CDK6: variants seen among roughly 807,000 people sequenced by gnomAD.
The protein encoded by CDK6 is cyclin dependent kinase 6.
In CDK6, 6 loss-of-function variants were observed where a neutral mutation model predicts 37.1. The observed-to-expected ratio is 0.16, with a 90% CI of 0.09 to 0.32. The LOEUF (loss-of-function observed/expected upper bound fraction) is 0.32, where lower values mean the gene tolerates loss of function less well. CDK6 is among the 10% of genes least tolerant of loss of function. The pLI, the probability that CDK6 is intolerant of heterozygous loss-of-function variation, is 1.00. For synonymous variants in CDK6, 160 were observed against 161.3 expected, an observed-to-expected ratio of 0.99 and a Z score of 0.06; for missense variants, 224 against 418.9, an observed-to-expected ratio of 0.53 and a Z score of 4.06.
At position 92,609,602 on chromosome 7, in the gene CDK6, T is replaced by C. The variant is rs1451056605; in HGVS notation, c.*5538A>G. 7 of 230,520 alleles carry C rather than the reference T, an allele frequency of 3.0e-5. No individual in the cohort carries two copies. The highest frequency in any genetic ancestry group is 5.2e-5 in the Non-Finnish European group (6 of 116,468). The allele number at this position is 230,520 out of a possible 1,614,324, so 14.3% of individuals were successfully genotyped here. ...CTACTCATTTTGCTCACCTGATCTTTAAATTAGGATTTTAAAATTTAATCA... is the reference window on the plus strand; with the variant it reads ...CTACTCATTTTGCTCACCTGATCTTCAAATTAGGATTTTAAAATTTAATCA... On this transcript the variant is annotated 3_prime_UTR_variant, in exon 8 of 8. Transcript: ENST00000424848.
chr7:92,710,653 G>A (rs1281189324), intron 4 of CDK6: 4 of 961,490 alleles, frequency 4.2e-6, no homozygotes, highest in Non-Finnish European at 4.9e-6. Flanking sequence ...TCTAGCTTTG[G>A]TGATTACCAG....
chr7:92,612,669 A>G lies in CDK6; in HGVS notation c.*2471T>C, dbSNP rs114715342. 1.5e-3 allele frequency: 348 copies of G among 233,182 alleles called. No homozygotes were observed. Among genetic ancestry groups the G allele is most frequent in the African/African-American group, 7.1e-3 (324 of 45,468 alleles). The allele number at this position is 233,182 out of a possible 1,614,324, so 14.4% of individuals were successfully genotyped here. ...ATTTTTCTTCATAAGCACTGCCTAG[A>G]AATGAGTCAAAAGCAGATGCTAGGA... On this transcript the variant is annotated 3_prime_UTR_variant, in exon 8 of 8. Coordinates refer to ENST00000424848, the MANE Select transcript of CDK6 (RefSeq NM_001145306.2).
intron 2 of CDK6, among the ~76,000 whole-genome samples, chr7:92,825,755 G>A (rs1457086812): frequency 6.6e-6 from 1 of 152,104 alleles, no homozygotes; most frequent in Non-Finnish European, 1.5e-5. Flanking sequence ...TCAAGCAATT[G>A]ATCAAAATGT....
chr7:92,715,093 A>T (rs1479105269), intron 4 of CDK6, among the ~76,000 whole-genome samples: 1 of 152,228 alleles, frequency 6.6e-6, no homozygotes, highest in Non-Finnish European at 1.5e-5. Flanking sequence ...ATCAACTGAA[A>T]TATGCCAGCC....
At chr7:92,786,546 T>C (rs1461366877) in intron 2 of CDK6, among the ~76,000 whole-genome samples, 1 of 151,808 alleles carries the variant, frequency 6.6e-6, no homozygotes, top group Non-Finnish European at 1.5e-5. Flanking sequence ...CACTTGTTTA[T>C]GAAAATGAGC....
intron 5 of CDK6, among the ~76,000 whole-genome samples, chr7:92,664,199 A>G (rs1796904724): frequency 6.6e-6 from 1 of 151,874 alleles, no homozygotes; most frequent in African/African-American, 2.4e-5. Context: ...TAAAGGAAGA[A>G]AAAAAAAACA....
chr7:92,826,712 CTAAA>C (rs1801323967), intron 2 of CDK6, among the ~76,000 whole-genome samples: 1 of 152,138 alleles, frequency 6.6e-6, no homozygotes, highest in African/African-American at 2.4e-5. Context: ...AAGACTCTTA[CTAAA>C]TAGACTTCAC....
At chr7:92,739,372 T>C (rs1318639872) in intron 3 of CDK6, among the ~76,000 whole-genome samples, 5 of 152,214 alleles carry the variant, frequency 3.3e-5, no homozygotes, top group Admixed American at 3.3e-4. Flanking sequence ...TGCTATGTTT[T>C]TTAGAATAGT....
intron 2 of CDK6, among the ~76,000 whole-genome samples, chr7:92,794,995 C>T (rs1360661707): frequency 3.3e-5 from 5 of 152,094 alleles, no homozygotes; most frequent in African/African-American, 1.2e-4. Flanking sequence ...AACTGGACTG[C>T]TTCCCATGGG....
intron 4 of CDK6, chr7:92,725,032 A>T (rs1422111463): frequency 5.4e-5 from 53 of 985,222 alleles, no homozygotes; most frequent in Non-Finnish European, 6.3e-5. Context: ...GAAACAGGGT[A>T]TCATAACTGT....
At chr7:92,683,723 C>T (rs1264335202) in intron 4 of CDK6, among the ~76,000 whole-genome samples, 1 of 152,104 alleles carries the variant, frequency 6.6e-6, no homozygotes, top group Non-Finnish European at 1.5e-5. Context: ...GGGGGGGTCC[C>T]CACTATATTT....
rs376473003 is a variant in CDK6, at chr7:92,731,441, T to C, written c.370-5648A>G. ...AAGCTAAAAGAGTCACACATGAGCT[T>C]TGTTCCACAGCAAAGCATAGTCCAG... On this transcript the variant is annotated intron_variant, in intron 3 of 7. Transcript: ENST00000424848. 1.5e-3 allele frequency among the ~76,000 whole-genome samples: 234 copies of C among 152,334 alleles called. 1 individual carries two copies. Among genetic ancestry groups the C allele is most frequent in the African/African-American group, 5.4e-3 (225 of 41,576 alleles).
chr7:92,667,856 A>C (rs1796993075), intron 5 of CDK6, among the ~76,000 whole-genome samples: 1 of 152,200 alleles, frequency 6.6e-6, no homozygotes, highest in Admixed American at 6.5e-5. Context: ...CCGGCCAAAA[A>C]ATTTAAAAAG....
chr7:92,751,686 C>A (rs1393784910), intron 3 of CDK6, among the ~76,000 whole-genome samples: 1 of 152,094 alleles, frequency 6.6e-6, no homozygotes. Context: ...GTATATTCTC[C>A]TTAACTCTGA....
At chr7:92,789,373 GTAAC>G (rs1800224433) in intron 2 of CDK6, among the ~76,000 whole-genome samples, 1 of 152,114 alleles carries the variant, frequency 6.6e-6, no homozygotes, top group Non-Finnish European at 1.5e-5. Context: ...ACTGGCAAAG[GTAAC>G]TAACTACATA....
At position 92,614,993 on chromosome 7, in the gene CDK6, C is replaced by T; in HGVS notation, c.*147G>A. 1.4e-6 allele frequency: 1 copy of T among 698,078 alleles called. No individual in the cohort carries two copies. Among genetic ancestry groups the T allele is most frequent in the Non-Finnish European group, 2.4e-6 (1 of 424,734 alleles). 43.2% of individuals were successfully genotyped at this position (698,078 alleles called of 1,614,324 possible). A position where few individuals can be genotyped will look rare whatever the true frequency, so the allele number is the denominator to read the frequency against. On this transcript the variant is annotated 3_prime_UTR_variant, in exon 8 of 8. Coordinates refer to ENST00000424848, the MANE Select transcript of CDK6 (RefSeq NM_001145306.2). ...TCAAAACAGTAAACTAGGCGGTTTCCTTGGAGAAGCAGAGCCTGTCCAGAA... is the reference window on the plus strand; with the variant it reads ...TCAAAACAGTAAACTAGGCGGTTTCTTTGGAGAAGCAGAGCCTGTCCAGAA...
intron 2 of CDK6, among the ~76,000 whole-genome samples, chr7:92,813,104 C>T (rs376002685): frequency 1.3e-5 from 2 of 152,262 alleles, no homozygotes; most frequent in South Asian, 4.1e-4. Context: ...AAAATATATG[C>T]AATTCATAGT....
At chr7:92,769,250 C>CTAAT (rs1216427394) in intron 3 of CDK6, among the ~76,000 whole-genome samples, 1 of 152,146 alleles carries the variant, frequency 6.6e-6, no homozygotes, top group African/African-American at 2.4e-5. Context: ...AAAATGAAAT[C>CTAAT]TAATTCACAG....
chr7:92,665,267 TCATCCATCCATCCATCCATCCATCCATC>T (rs3831549), intron 5 of CDK6, among the ~76,000 whole-genome samples: 1 of 150,826 alleles, frequency 6.6e-6, no homozygotes, highest in Admixed American at 6.6e-5. Context: ...AACCATCCAA[TCATCCATCCATCCATCCATCCATCCATC>T]CATCCATCCA....
Sources: allele counts gnomAD v4.1 joint callset (sites outside exome capture counted in the v4.1 genomes callset), GRCh38; gene constraint gnomAD v4.1.1; transcripts MANE v1.5; gene names NCBI Gene and HGNC (gene_info 2026-07-23, HGNC 2026-07-21).